CDH12: variants seen among roughly 807,000 people sequenced by gnomAD.
CDH12 encodes cadherin 12, also known as cadherin-12.
CDH12 carries 41 observed loss-of-function variants against 74.1 expected under a neutral mutation model. That is an observed-to-expected ratio of 0.55 (90% CI 0.43 to 0.72). CDH12 has a LOEUF of 0.72. Ranked by LOEUF, CDH12 falls within the 30% of genes least tolerant of loss-of-function variation. The probability of loss-of-function intolerance (pLI) is 0.00; values close to 1 mark genes in which losing one functional copy is unlikely to be tolerated. For missense variants in CDH12, 945 were observed against 977.2 expected (o/e 0.97, Z 0.44); for synonymous variants, 399 against 355.0 (o/e 1.12, Z -1.39).
chr5:22,073,869 A>G (rs554087550), intron 5 of CDH12, among the ~76,000 whole-genome samples: 74 of 152,198 alleles, frequency 4.9e-4, no homozygotes, highest in African/African-American at 1.4e-3. Flanking sequence ...AAGAAAACCA[A>G]TTGGTCCCTA....
Position 22,362,573 on chromosome 5 carries a change from A to T in CDH12, c.-333+42684T>A, listed in dbSNP as rs531520715. Among the ~76,000 whole-genome samples the T allele has an allele frequency of 3.3e-5, 5 of 152,218 alleles. No individual in the cohort carries two copies. The South Asian group carries it at 8.3e-4, about 25-fold the overall frequency. ...AAATACCATTTGACCCAGCCATCCC[A>T]TTACTGAGTATATACCCAAAGGATT... On this transcript the variant is annotated intron_variant, in intron 3 of 14. Coordinates refer to ENST00000382254, the MANE Select transcript of CDH12 (RefSeq NM_004061.5).
intron 10 of CDH12, among the ~76,000 whole-genome samples, chr5:21,791,719 A>G (rs748029702): frequency 2.6e-5 from 4 of 152,058 alleles, no homozygotes; most frequent in Non-Finnish European, 5.9e-5. Context: ...AATAGAAATC[A>G]GAAATTAAAA....
intron 4 of CDH12, among the ~76,000 whole-genome samples, chr5:22,093,776 T>A (rs906395623): frequency 6.6e-6 from 1 of 152,180 alleles, no homozygotes; most frequent in Non-Finnish European, 1.5e-5. Flanking sequence ...GATATGGAAG[T>A]TATATCGCAA....
At chr5:22,844,540 A>T (rs191440391) in intron 1 of CDH12, among the ~76,000 whole-genome samples, 3 of 152,294 alleles carry the variant, frequency 2.0e-5, no homozygotes, top group Admixed American at 2.0e-4. Context: ...GATAGCTAAC[A>T]TCCTTTGGTG....
intron 2 of CDH12, among the ~76,000 whole-genome samples, chr5:22,407,665 A>G (rs1489153900): frequency 6.6e-6 from 1 of 152,076 alleles, no homozygotes; most frequent in African/African-American, 2.4e-5. Flanking sequence ...CTGCATAATG[A>G]GTTTAGGAGG....
At chr5:22,359,158 C>T (rs1453021738) in intron 3 of CDH12, among the ~76,000 whole-genome samples, 1 of 152,054 alleles carries the variant, frequency 6.6e-6, no homozygotes, top group Non-Finnish European at 1.5e-5. Context: ...AGTCAAGACT[C>T]ATCATAGTGC....
intron 6 of CDH12, among the ~76,000 whole-genome samples, chr5:21,902,412 T>G (rs1753433181): frequency 6.6e-6 from 1 of 152,060 alleles, no homozygotes; most frequent in Admixed American, 6.6e-5. Context: ...GCCAGTGGAT[T>G]AAGTACCATG....
chr5:22,438,808 G>T (rs562906783), intron 2 of CDH12, among the ~76,000 whole-genome samples: 3 of 151,226 alleles, frequency 2.0e-5, no homozygotes, highest in Non-Finnish European at 4.4e-5. Context: ...TACCTACTTT[G>T]GTTTCTTTTA....
At chr5:22,286,562 C>T (rs184284446) in intron 3 of CDH12, among the ~76,000 whole-genome samples, 7 of 152,182 alleles carry the variant, frequency 4.6e-5, no homozygotes, top group East Asian at 1.9e-4. Context: ...TGAAATACAA[C>T]ACAATGTGAA....
At chr5:22,062,523 C>A (rs1741261756) in intron 5 of CDH12, among the ~76,000 whole-genome samples, 1 of 152,094 alleles carries the variant, frequency 6.6e-6, no homozygotes, top group South Asian at 2.1e-4. Context: ...TTAAAAAGAT[C>A]TGGAATTGTT....
intron 5 of CDH12, among the ~76,000 whole-genome samples, chr5:22,054,927 T>C (rs1214122419): frequency 6.6e-6 from 1 of 152,194 alleles, no homozygotes; most frequent in South Asian, 2.1e-4. Flanking sequence ...TGTGATTTAA[T>C]AGAATTATAA....
At chr5:21,757,135 T>C (rs1744444229) in intron 13 of CDH12, among the ~76,000 whole-genome samples, 1 of 152,148 alleles carries the variant, frequency 6.6e-6, no homozygotes, top group African/African-American at 2.4e-5. Context: ...TCAATGTATG[T>C]GTCAAATGGC....
rs896072191 is a variant in CDH12, at chr5:21,842,257, T to G, written c.718A>C (p.Lys240Gln). The G allele has an allele frequency of 3.7e-6, 6 of 1,613,300 alleles. No individual in the cohort carries two copies. The highest frequency in any genetic ancestry group is 1.3e-5 in the African/African-American group (1 of 75,014). Residue 240 changes from lysine to glutamine, a missense_variant, in exon 8 of 15, where the codon AAG becomes CAG. Coordinates refer to ENST00000382254, the MANE Select transcript of CDH12 (RefSeq NM_004061.5). ...CCTCCAAGCTGTCCTCCCATATCCTTGGCTTGGATGAGTACTTGATATTGT... is the reference window on the plus strand; with the variant it reads ...CCTCCAAGCTGTCCTCCCATATCCTGGGCTTGGATGAGTACTTGATATTGT... ...KEQYQVLIQAKDMGGQLGGLA... is the reference protein window; with the variant it reads ...KEQYQVLIQAQDMGGQLGGLA...
intron 1 of CDH12, among the ~76,000 whole-genome samples, chr5:22,663,512 A>G (rs1377372513): frequency 6.6e-6 from 1 of 152,214 alleles, no homozygotes; most frequent in Non-Finnish European, 1.5e-5. Flanking sequence ...ATGTTGCCAT[A>G]GGCTATTATG....
chr5:22,730,894 T>C (rs1744403133), intron 1 of CDH12, among the ~76,000 whole-genome samples: 1 of 151,802 alleles, frequency 6.6e-6, no homozygotes, highest in South Asian at 2.1e-4. Flanking sequence ...ACAGAAGAAA[T>C]AGCAACCATT....
At chr5:22,098,179 A>G (rs187396491) in intron 4 of CDH12, among the ~76,000 whole-genome samples, 234 of 152,186 alleles carry the variant, frequency 1.5e-3, no homozygotes, top group Non-Finnish European at 3.0e-3. Flanking sequence ...AGGCTCAGCA[A>G]ATTACCTGGG....
At chr5:21,841,644 G>A (rs1749859287) in intron 8 of CDH12, among the ~76,000 whole-genome samples, 1 of 151,764 alleles carries the variant, frequency 6.6e-6, no homozygotes, top group Non-Finnish European at 1.5e-5. Flanking sequence ...TTAAGAAAAT[G>A]TGGCACATAC....
chr5:21,949,385 G>C (rs532756954), intron 6 of CDH12, among the ~76,000 whole-genome samples: 1 of 150,350 alleles, frequency 6.7e-6, no homozygotes, highest in Non-Finnish European at 1.5e-5. Flanking sequence ...AGGAGGCGGA[G>C]CTTGCAGTGA....
chr5:22,297,281 A>G (rs1432303241), intron 3 of CDH12, among the ~76,000 whole-genome samples: 3 of 152,084 alleles, frequency 2.0e-5, no homozygotes, highest in Non-Finnish European at 4.4e-5. Context: ...TCGGCCTCCC[A>G]AAGTGCTGGG....
Sources: allele counts gnomAD v4.1 joint callset (sites outside exome capture counted in the v4.1 genomes callset), GRCh38; gene constraint gnomAD v4.1.1; transcripts MANE v1.5; gene names NCBI Gene and HGNC (gene_info 2026-07-23, HGNC 2026-07-21).